Variants in CBLN2 observed in about 807,000 individuals in gnomAD.
The protein encoded by CBLN2 is cerebellin 2 precursor.
Under a neutral mutation model 15.0 loss-of-function variants are expected in CBLN2, and 7 were observed. The ratio of observed to expected loss-of-function variants is 0.47; its 90% CI spans 0.27 to 0.88. CBLN2 has a LOEUF of 0.88. Ranked by LOEUF, CBLN2 falls within the 40% of genes least tolerant of loss-of-function variation. The pLI, the probability that CBLN2 is intolerant of heterozygous loss-of-function variation, is 0.14. For synonymous variants in CBLN2, 149 were observed against 135.2 expected (o/e 1.10, Z -0.71); for missense variants, 242 against 304.5 (o/e 0.79, Z 1.53).
intron 1 of CBLN2, among the ~76,000 whole-genome samples, chr18:72,634,787 G>A (rs1027989772): frequency 6.6e-6 from 1 of 152,112 alleles, no homozygotes; most frequent in Non-Finnish European, 1.5e-5. Flanking sequence ...AAGTCCCTAA[G>A]CGTAAGAAGA....
At chr18:72,616,828 T>C (rs1400704643) in intron 1 of CBLN2, among the ~76,000 whole-genome samples, 1 of 152,224 alleles carries the variant, frequency 6.6e-6, no homozygotes, top group African/African-American at 2.4e-5. Flanking sequence ...TTTCTGTGTT[T>C]ATGTTTAACC....
chr18:72,612,847 T>G (rs1375142822), intron 1 of CBLN2, among the ~76,000 whole-genome samples: 1 of 152,214 alleles, frequency 6.6e-6, no homozygotes, highest in East Asian at 1.9e-4. Flanking sequence ...CTGGGGCTGC[T>G]GTAACAAAGT....
intron 4 of CBLN2, 46 bp from the exon 5 acceptor site, chr18:72,538,419 T>C (rs2144858427): frequency 1.3e-6 from 2 of 1,588,946 alleles, no homozygotes; most frequent in South Asian, 1.1e-5. Context: ...AGCACCCAAC[T>C]CCCACACACT....
At chr18:72,617,227 T>C (rs181608048) in intron 1 of CBLN2, among the ~76,000 whole-genome samples, 37 of 152,346 alleles carry the variant, frequency 2.4e-4, no homozygotes, top group Non-Finnish European at 4.1e-4. Context: ...GAAACATCTA[T>C]GTAATCTCTA....
intron 1 of CBLN2, among the ~76,000 whole-genome samples, chr18:72,629,837 T>A (rs1034465010): frequency 6.6e-6 from 1 of 152,174 alleles, no homozygotes; most frequent in African/African-American, 2.4e-5. Context: ...TTATTCTTAA[T>A]ATTTCAAATA....
intron 1 of CBLN2, among the ~76,000 whole-genome samples, chr18:72,609,972 C>A (rs1721610199): frequency 6.6e-6 from 1 of 152,130 alleles, no homozygotes; most frequent in Non-Finnish European, 1.5e-5. Flanking sequence ...AACTCGCTGC[C>A]ATCCTGTGTG....
chr18:72,624,343 A>G (rs1297765627), intron 1 of CBLN2, among the ~76,000 whole-genome samples: 1 of 151,862 alleles, frequency 6.6e-6, no homozygotes, highest in Non-Finnish European at 1.5e-5. Flanking sequence ...GAGATGTTTC[A>G]CTTACTATTG....
chr18:72,596,193 G>T (rs551509820), intron 1 of CBLN2, among the ~76,000 whole-genome samples: 1 of 151,800 alleles, frequency 6.6e-6, no homozygotes, highest in African/African-American at 2.4e-5. Flanking sequence ...TATATTTTTT[G>T]ATTTGCGGTT....
At chr18:72,586,316 T>C (rs533180716) in intron 1 of CBLN2, among the ~76,000 whole-genome samples, 1 of 152,336 alleles carries the variant, frequency 6.6e-6, no homozygotes, top group South Asian at 2.1e-4. Flanking sequence ...CTTTTTCTAC[T>C]CCTTTTCTTT....
chr18:72,618,307 G>T, intron 1 of CBLN2: 2 of 431,238 alleles, frequency 4.6e-6, no homozygotes, highest in East Asian at 9.3e-5. Context: ...GATTAGCTGC[G>T]GGAGCTCTTC....
chr18:72,638,280 G>A (rs1756433272), intron 1 of CBLN2: 1 of 398,476 alleles, frequency 2.5e-6, no homozygotes, highest in African/African-American at 2.1e-5. Context: ...CCTTTGCTAG[G>A]ATAAAATACT....
intron 1 of CBLN2, among the ~76,000 whole-genome samples, chr18:72,624,999 A>G (rs998816066): frequency 2.6e-5 from 4 of 152,190 alleles, no homozygotes; most frequent in Non-Finnish European, 5.9e-5. Context: ...GAAAAAAACA[A>G]AATTGTTTTC....
Position 72,586,002 on chromosome 18 carries a change from G to A in CBLN2, c.16-47230C>T, listed in dbSNP as rs181854811. ...GCAGCAGGAGTTGCCTGTGGGGGCAGGAGGGCTTCCCAGGTTTCCCAGAGT... is the reference window on the plus strand; with the variant it reads ...GCAGCAGGAGTTGCCTGTGGGGGCAAGAGGGCTTCCCAGGTTTCCCAGAGT... On this transcript the variant is annotated intron_variant, in intron 1 of 2. Transcript: ENST00000581073. Among the ~76,000 whole-genome samples, 14 of 152,344 alleles carry A rather than the reference G, an allele frequency of 9.2e-5. No individual in the cohort carries two copies. The East Asian group carries it at 2.1e-3, about 23-fold the overall frequency.
At chr18:72,605,772 A>C (rs983306351) in intron 1 of CBLN2, among the ~76,000 whole-genome samples, 1 of 152,250 alleles carries the variant, frequency 6.6e-6, no homozygotes, top group African/African-American at 2.4e-5. Flanking sequence ...CTAAGAAAAT[A>C]AAAAAACAAA....
At chr18:72,633,277 T>A (rs2069789328) in intron 1 of CBLN2, among the ~76,000 whole-genome samples, 1 of 152,194 alleles carries the variant, frequency 6.6e-6, no homozygotes, top group Non-Finnish European at 1.5e-5. Context: ...GGGCATACCT[T>A]TAATGTAGTT....
chr18:72,589,146 T>C (rs1396417301), intron 1 of CBLN2, among the ~76,000 whole-genome samples: 2 of 152,128 alleles, frequency 1.3e-5, no homozygotes, highest in Non-Finnish European at 2.9e-5. Flanking sequence ...CGGCTGTTAC[T>C]GAAATCCTGG....
At chr18:72,538,530 A>G in intron 4 of CBLN2, 123 bp downstream of exon 4, 1 of 1,464,632 alleles carries the variant, frequency 6.8e-7, no homozygotes, top group East Asian at 2.3e-5. Flanking sequence ...GTTCAGAGCC[A>G]CATCACCCCC....
At chr18:72,638,296 T>C (rs2069826949) in intron 1 of CBLN2, 3 of 398,490 alleles carry the variant, frequency 7.5e-6, no homozygotes, top group African/African-American at 6.2e-5. Flanking sequence ...ATACTCACGT[T>C]CTGTCTAGCC....
chr18:72,629,849 A>G (rs557868237), intron 1 of CBLN2, among the ~76,000 whole-genome samples: 52 of 152,270 alleles, frequency 3.4e-4, no homozygotes, highest in African/African-American at 1.2e-3. Flanking sequence ...TTTCAAATAA[A>G]CAATTCCAAG....
Sources: allele counts gnomAD v4.1 joint callset (sites outside exome capture counted in the v4.1 genomes callset), GRCh38; gene constraint gnomAD v4.1.1; transcripts MANE v1.5; gene names NCBI Gene and HGNC (gene_info 2026-07-23, HGNC 2026-07-21).